Variants in C1RL observed in about 807,000 individuals in gnomAD.
C1RL encodes the protein complement C1r subcomponent-like protein.
C1RL carries 27 observed loss-of-function variants against 27.9 expected under a neutral mutation model. The ratio of observed to expected loss-of-function variants is 0.97; its 90% CI spans 0.71 to 1.33. The LOEUF (loss-of-function observed/expected upper bound fraction) is 1.33. Among genes scored for constraint, C1RL ranks in the 40% most tolerant of loss-of-function variants. The probability of loss-of-function intolerance (pLI) is 0.00; values close to 1 mark genes in which losing one functional copy is unlikely to be tolerated. For synonymous variants in C1RL, 248 were observed against 252.1 expected (o/e 0.98, Z 0.15); for missense variants, 563 against 623.9 (o/e 0.90, Z 1.04).
At chr12:7,103,557 C>G (rs1938683943) in intron 2 of C1RL, among the ~76,000 whole-genome samples, 1 of 152,214 alleles carries the variant, frequency 6.6e-6, no homozygotes, top group African/African-American at 2.4e-5. Context: ...GTCCTGCACA[C>G]ACATAAGCTT....
At chr12:7,105,799 C>T (rs916845354) in intron 2 of C1RL, among the ~76,000 whole-genome samples, 14 of 152,128 alleles carry the variant, frequency 9.2e-5, no homozygotes, top group East Asian at 5.8e-4. Context: ...AAAATTAGAA[C>T]GAATCCTTAG....
chr12:7,095,012 T>G lies in C1RL; in HGVS notation c.*1379A>C, dbSNP rs1397509945. ...ACCTTTGACCATATAGCAACTTGAC[T>G]CTTGATGCTAACAAATTACCTCTCT... On this transcript the variant is annotated 3_prime_UTR_variant, in exon 6 of 6. Transcript: ENST00000266542. 9.0e-7 allele frequency: 1 copy of G among 1,114,228 alleles called. No homozygotes were observed. Among genetic ancestry groups the G allele is most frequent in the East Asian group, 9.5e-5 (1 of 10,476 alleles). 69.0% of individuals were successfully genotyped at this position (1,114,228 alleles called of 1,614,324 possible).
intron 5 of C1RL, chr12:7,099,300 T>C (rs1938544594): frequency 5.6e-6 from 1 of 179,824 alleles, no homozygotes; most frequent in African/African-American, 2.4e-5. Context: ...ATAATTTTTT[T>C]TAAAATGGTT....
chr12:7,096,301 A>AC lies in C1RL; in HGVS notation c.*89dup, dbSNP rs1948354673. On this transcript the variant is annotated 3_prime_UTR_variant, in exon 6 of 6. Coordinates refer to ENST00000266542, the MANE Select transcript of C1RL (RefSeq NM_016546.4). ...TGCCTCCCCCAACCCCCCACCCCCAACCCCTACCCCAGTGTTCAGTCCTCA... is the reference window on the plus strand; with the variant it reads ...TGCCTCCCCCAACCCCCCACCCCCAACCCCCTACCCCAGTGTTCAGTCCTCA... The AC allele has an allele frequency of 7.0e-6, 2 of 285,992 alleles. No individual in the cohort carries two copies. The highest frequency in any genetic ancestry group is 9.9e-6 in the Non-Finnish European group (2 of 201,796). The allele number at this position is 285,992 out of a possible 1,614,324, so 17.7% of individuals were successfully genotyped here. A position where few individuals can be genotyped will look rare whatever the true frequency, so the allele number is the denominator to read the frequency against.
rs1418891858 is a variant in C1RL at position 7,108,459 on chromosome 12, C to A, written c.92G>T (p.Gly31Val). 11 of 1,600,410 alleles carry A rather than the reference C, an allele frequency of 6.9e-6. No homozygotes were observed. The highest frequency in any genetic ancestry group is 9.4e-6 in the Non-Finnish European group (11 of 1,171,284). The part of the protein sequence containing the change: ...PGAMWWLLLW[G>V]VLQACPTRGS... ...CCGGGTTGGGCAAGCCTGGAGGACT[C>A]CCCAGAGAAGCAGCCACCACCTGTG... The change falls in exon 2 of 6, where the codon GGA becomes GTA. Residue 31 changes from glycine to valine, a missense_variant. By Grantham distance (109) the Gly-to-Val change is moderately radical. Coordinates refer to ENST00000266542, the MANE Select transcript of C1RL (RefSeq NM_016546.4).
chr12:7,099,671 C>G lies in C1RL; in HGVS notation c.691+15G>C, dbSNP rs1389560123. On this transcript the variant is annotated intron_variant, in intron 5 of 5. Transcript: ENST00000266542. ...AGGCTTGTTGGGGGAATGGTGCTAG[C>G]AGGTGGCTACTCACCAGGCATACAC... 3.2e-6 allele frequency: 5 copies of G among 1,551,724 alleles called. No individual in the cohort carries two copies. The Admixed American group carries it at 5.9e-5, about 18-fold the overall frequency.
intron 5 of C1RL, among the ~76,000 whole-genome samples, chr12:7,098,956 G>T (rs750900909): frequency 5.3e-5 from 8 of 151,988 alleles, no homozygotes; most frequent in Non-Finnish European, 1.0e-4. Context: ...AGCACTTTGG[G>T]AGGCTGAGGC....
chr12:7,098,270 C>G (rs970676105), intron 5 of C1RL: 1 of 151,828 alleles, frequency 6.6e-6, no homozygotes, highest in Admixed American at 6.6e-5. Context: ...GACTCTGTCT[C>G]AAAACAAACA....
At chr12:7,105,784 T>C (rs1419614563) in intron 2 of C1RL, among the ~76,000 whole-genome samples, 1 of 152,188 alleles carries the variant, frequency 6.6e-6, no homozygotes, top group East Asian at 1.9e-4. Context: ...AAAAGGCACA[T>C]TTAGAAAATT....
chr12:7,097,247 G>T, intron 5 of C1RL, 84 bp from the exon 6 acceptor site: 1 of 1,285,426 alleles, frequency 7.8e-7, no homozygotes, highest in Non-Finnish European at 1.1e-6. Context: ...GAAGTGCTGT[G>T]GTAGGGGACG....
chr12:7,101,953 C>A lies in C1RL; in HGVS notation c.435G>T (p.Ser145=). Residue 145 remains serine (S), a synonymous_variant, in exon 3 of 6, where the codon TCG becomes TCT. Transcript: ENST00000266542. ...TGTGGAGGTGGGCAGTCTTGTTCTC[C>A]GAGGAAGGCTGTGTGCGGAAGGTCA... ...LRLTFRTQPS[S]ENKTAHLHKG... The A allele has an allele frequency of 6.2e-7, 1 of 1,614,194 alleles. No homozygotes were observed. Among genetic ancestry groups the A allele is most frequent in the Non-Finnish European group, 8.5e-7 (1 of 1,180,036 alleles).
At chr12:7,107,173 T>C (rs979284554) in intron 2 of C1RL, among the ~76,000 whole-genome samples, 1 of 129,478 alleles carries the variant, frequency 7.7e-6, no homozygotes, top group Non-Finnish European at 1.6e-5. Flanking sequence ...TTTAAAAACC[T>C]TTTTTTTTTT....
rs146629635 is a variant in C1RL at position 7,103,473 on chromosome 12, C to T, written c.301-1386G>A. Among the ~76,000 whole-genome samples the T allele has an allele frequency of 3.2e-3, 481 of 152,336 alleles. 2 individuals are homozygous for T. The highest frequency in any genetic ancestry group is 0.01 in the African/African-American group (426 of 41,576). On this transcript the variant is annotated intron_variant, in intron 2 of 5. Coordinates refer to ENST00000266542, the MANE Select transcript of C1RL (RefSeq NM_016546.4). Reference sequence around the variant, plus strand: ...CTTCCAGCATGTTCTATGGCATCTTCCAGAGTCTGCACTAAGAGCAGTGGT... The same window carrying T: ...CTTCCAGCATGTTCTATGGCATCTTTCAGAGTCTGCACTAAGAGCAGTGGT...
chr12:7,097,081 C>T lies in C1RL; in HGVS notation c.774G>A (p.Trp258Ter), dbSNP rs1331689670. The T allele has an allele frequency of 6.2e-7, 1 of 1,614,072 alleles. No individual in the cohort carries two copies. The highest frequency in any genetic ancestry group is 8.5e-7 in the Non-Finnish European group (1 of 1,179,976). The change falls in exon 6 of 6, where the codon TGG becomes TGA. Residue 258 changes from tryptophan (W) to a stop codon, truncating the protein, a stop_gained. Transcript: ENST00000266542. LOFTEE classifies it low-confidence loss of function (END_TRUNC). Reference sequence around the variant, plus strand: ...GGCCGTGGATACTGGTGAAGGCTTGCCAGGGGAAGTTGCCCAGCTTGGCTC... The same window carrying T: ...GGCCGTGGATACTGGTGAAGGCTTGTCAGGGGAAGTTGCCCAGCTTGGCTC... ...SSRAKLGNFP[W>*]QAFTSIHGRG...
chr12:7,095,179 G>C lies in C1RL; in HGVS notation c.*1212C>G. ...TCCGCAGGCTGGAGTGCAGTGGCGT[G>C]ATCTTAGCTCACTGCAACCTCCGCC... is the stretch of plus-strand genomic sequence containing the variant. On this transcript the variant is annotated 3_prime_UTR_variant, in exon 6 of 6. Coordinates refer to ENST00000266542, the MANE Select transcript of C1RL (RefSeq NM_016546.4). The C allele has an allele frequency of 2.6e-6, 3 of 1,132,758 alleles. No homozygotes were observed. The highest frequency in any genetic ancestry group is 3.4e-6 in the Non-Finnish European group (3 of 880,514). 70.2% of individuals were successfully genotyped at this position (1,132,758 alleles called of 1,614,324 possible). A position where few individuals can be genotyped will look rare whatever the true frequency, so the allele number is the denominator to read the frequency against.
rs752233005 is a variant in C1RL, at chr12:7,095,393, C to A, written c.*998G>T. On this transcript the variant is annotated 3_prime_UTR_variant, in exon 6 of 6. Transcript: ENST00000266542. ...ACTCCTAAGGTGTTGGGATTACAGG[C>A]GTGAGCCACTGCGCCCGGCCCATCA... 7 of 1,009,390 alleles carry A rather than the reference C, an allele frequency of 6.9e-6. No individual in the cohort carries two copies. The highest frequency in any genetic ancestry group is 2.4e-6 in the Non-Finnish European group (2 of 842,926). 62.5% of individuals were successfully genotyped at this position (1,009,390 alleles called of 1,614,324 possible).
Position 7,099,896 on chromosome 12 carries a change from C to G in C1RL, c.616+5G>C. 1 of 1,614,064 alleles carries G rather than the reference C, an allele frequency of 6.2e-7. No individual in the cohort carries two copies. Among genetic ancestry groups the G allele is most frequent in the Non-Finnish European group, 8.5e-7 (1 of 1,180,008 alleles). On this transcript the variant is annotated splice_donor_5th_base_variant and intron_variant, in intron 4 of 5. Coordinates refer to ENST00000266542, the MANE Select transcript of C1RL (RefSeq NM_016546.4). The stretch of plus-strand genomic sequence containing the variant: ...GAAGCCACCCCTCGGCAGGTGGGGA[C>G]TCACCTGCTGCCGCGGCCTGATAAT...
intron 2 of C1RL, chr12:7,107,998 A>G (rs1160005297): frequency 5.0e-6 from 2 of 401,852 alleles, no homozygotes; most frequent in Non-Finnish European, 8.9e-6. Flanking sequence ...GTGTCCATTC[A>G]TAAGCCTTCC....
intron 2 of C1RL, among the ~76,000 whole-genome samples, chr12:7,106,563 G>C (rs1448487079): frequency 6.6e-6 from 1 of 152,126 alleles, no homozygotes; most frequent in African/African-American, 2.4e-5. Flanking sequence ...TAAATCGAGA[G>C]ATCTTCAGGA....
Sources: allele counts gnomAD v4.1 joint callset (sites outside exome capture counted in the v4.1 genomes callset), GRCh38; gene constraint gnomAD v4.1.1; transcripts MANE v1.5; gene names NCBI Gene and HGNC (gene_info 2026-07-23, HGNC 2026-07-21).